NAA20: variants seen among roughly 807,000 people sequenced by gnomAD.
The protein encoded by NAA20 is N-alpha-acetyltransferase 20, NatB catalytic subunit.
Under a neutral mutation model 23.8 loss-of-function variants are expected in NAA20, and 24 were observed. The ratio of observed to expected loss-of-function variants is 1.01; its 90% CI spans 0.73 to 1.42. NAA20 has a LOEUF of 1.42. Among genes scored for constraint, NAA20 ranks in the 40% most tolerant of loss-of-function variants. The pLI, the probability that NAA20 is intolerant of heterozygous loss-of-function variation, is 0.00. For synonymous variants in NAA20, 83 were observed against 77.7 expected, an observed-to-expected ratio of 1.07 and a Z score of -0.36; for missense variants, 166 against 223.1, an observed-to-expected ratio of 0.74 and a Z score of 1.63.
chr20:20,032,256 T>A (rs555612656), intron 4 of NAA20, among the ~76,000 whole-genome samples: 1 of 151,900 alleles, frequency 6.6e-6, no homozygotes, highest in South Asian at 2.1e-4. Context: ...AGTTTATCTT[T>A]TAAGAAAACG....
Position 20,033,211 on chromosome 20 carries a change from G to C in NAA20, c.*24G>C. 1.3e-6 allele frequency: 2 copies of C among 1,510,988 alleles called. No individual in the cohort carries two copies. Among genetic ancestry groups the C allele is most frequent in the Non-Finnish European group, 1.8e-6 (2 of 1,087,940 alleles). The allele number at this position is 1,510,988 out of a possible 1,614,324, so 93.6% of individuals were successfully genotyped here. ...AACCCTGGGCAGTGGTTCTTAGGCA[G>C]ATACTCTAGATGCTTTATGGACAAT... On this transcript the variant is annotated 3_prime_UTR_variant, in exon 6 of 6. Coordinates refer to ENST00000334982, the MANE Select transcript of NAA20 (RefSeq NM_016100.5).
intron 2 of NAA20, among the ~76,000 whole-genome samples, chr20:20,024,547 T>TAGGA (rs980836174): frequency 2.0e-5 from 3 of 152,218 alleles, no homozygotes; most frequent in Non-Finnish European, 4.4e-5. Flanking sequence ...TTTCACTATA[T>TAGGA]AGGAAGGAAG....
At chr20:20,017,493 C>T in intron 1 of NAA20, 44 bp downstream of exon 1, 2 of 1,546,374 alleles carry the variant, frequency 1.3e-6, no homozygotes, top group Non-Finnish European at 8.7e-7. Flanking sequence ...GGCCGGGCCT[C>T]GCTTCCCGGC....
chr20:20,032,447 T>C, intron 4 of NAA20, 61 bp from the exon 5 acceptor site: 1 of 1,534,592 alleles, frequency 6.5e-7, no homozygotes, highest in Non-Finnish European at 8.8e-7. Context: ...AAAATATGTA[T>C]CTATTACTTT....
At chr20:20,029,473 C>T (rs2043327733) in intron 4 of NAA20, among the ~76,000 whole-genome samples, 1 of 151,722 alleles carries the variant, frequency 6.6e-6, no homozygotes, top group Non-Finnish European at 1.5e-5. Flanking sequence ...AAAAATTAGC[C>T]GGGTGTGGTA....
intron 4 of NAA20, among the ~76,000 whole-genome samples, chr20:20,030,003 C>T (rs1302410898): frequency 6.6e-6 from 1 of 152,120 alleles, no homozygotes; most frequent in Non-Finnish European, 1.5e-5. Context: ...AATCAGTAGC[C>T]CAAAATCTTT....
Position 20,017,390 on chromosome 20 carries a change from C to T in NAA20, c.-7C>T, listed in dbSNP as rs1385868692. 2 of 1,611,008 alleles carry T rather than the reference C, an allele frequency of 1.2e-6. No individual in the cohort carries two copies. Among genetic ancestry groups the T allele is most frequent in the Non-Finnish European group, 1.7e-6 (2 of 1,179,244 alleles). On this transcript the variant is annotated 5_prime_UTR_variant, in exon 1 of 6. Coordinates refer to ENST00000334982, the MANE Select transcript of NAA20 (RefSeq NM_016100.5). ...GGCGAACGGTCTTCGGAAGCGGCGGCGGCGCGATGACCACGCTACGGGCCT... is the reference window on the plus strand; with the variant it reads ...GGCGAACGGTCTTCGGAAGCGGCGGTGGCGCGATGACCACGCTACGGGCCT...
At chr20:20,030,465 T>C (rs1378313039) in intron 4 of NAA20, among the ~76,000 whole-genome samples, 1 of 152,156 alleles carries the variant, frequency 6.6e-6, no homozygotes, top group African/African-American at 2.4e-5. Flanking sequence ...TATTTAGTAG[T>C]GATACACTGA....
At chr20:20,026,724 C>G (rs2043308938) in intron 3 of NAA20, 60 bp from the exon 4 acceptor site, 4 of 1,591,256 alleles carry the variant, frequency 2.5e-6, no homozygotes, top group East Asian at 2.2e-5. Flanking sequence ...AACAGTAATT[C>G]TATATTTATG....
chr20:20,027,512 TA>T (rs1484476910), intron 4 of NAA20, among the ~76,000 whole-genome samples: 3 of 152,154 alleles, frequency 2.0e-5, no homozygotes, highest in African/African-American at 7.2e-5. Context: ...TTTCATCTAG[TA>T]TTTTTTTTTA....
chr20:20,026,781 C>G lies in NAA20; in HGVS notation c.170-3C>G. The G allele has an allele frequency of 6.2e-7, 1 of 1,612,636 alleles. No homozygotes were observed. The highest frequency in any genetic ancestry group is 8.5e-7 in the Non-Finnish European group (1 of 1,178,984). ...TGAATGTGATTTTTGTTGTTGTTGG[C>G]AGTTATGGGTAAAGCAGAAGGCTCA... On this transcript the variant is annotated splice_region_variant and splice_polypyrimidine_tract_variant and intron_variant, in intron 3 of 5. Transcript: ENST00000334982.
intron 1 of NAA20, chr20:20,018,877 G>T: frequency 2.0e-6 from 2 of 985,432 alleles, no homozygotes; most frequent in Non-Finnish European, 2.4e-6. Context: ...AGGTGAGAAT[G>T]AGTAAAGCGA....
At chr20:20,026,686 T>G in intron 3 of NAA20, 98 bp from the exon 4 acceptor site, 4 of 1,494,952 alleles carry the variant, frequency 2.7e-6, no homozygotes, top group Non-Finnish European at 3.6e-6. Context: ...ACTTCTTTAT[T>G]AGTTTCCTTT....
chr20:20,017,578 C>T, intron 1 of NAA20, 129 bp downstream of exon 1: 3 of 1,353,280 alleles, frequency 2.2e-6, no homozygotes, highest in East Asian at 2.8e-5. Flanking sequence ...AGAACCACCC[C>T]CCGCCGGCCA....
At chr20:20,017,720 G>T in intron 1 of NAA20, 1 of 1,430,666 alleles carries the variant, frequency 7.0e-7, no homozygotes, top group Non-Finnish European at 9.1e-7. Flanking sequence ...AGGTTCTGGG[G>T]CAGCGCTCGG....
chr20:20,026,174 G>A lies in NAA20; in HGVS notation c.169+407G>A, dbSNP rs151338901. On this transcript the variant is annotated intron_variant, in intron 3 of 5. Coordinates refer to ENST00000334982, the MANE Select transcript of NAA20 (RefSeq NM_016100.5). ...CAAAAAATTAGCTGGGCGTGGTATC[G>A]CGTGCCTATAATCCCAGCTACTCAG... is the stretch of plus-strand genomic sequence containing the variant. Among the ~76,000 whole-genome samples the A allele has an allele frequency of 7.1e-3, 1,083 of 152,026 alleles. 11 individuals are homozygous for A. Among genetic ancestry groups the A allele is most frequent in the African/African-American group, 0.025 (1,034 of 41,468 alleles).
intron 1 of NAA20, chr20:20,019,005 G>A: frequency 2.3e-6 from 2 of 873,514 alleles, no homozygotes; most frequent in Middle Eastern, 5.8e-4. Context: ...TCTGGAGTGG[G>A]TCTTAACCCA....
At chr20:20,017,319 G>A (rs2043237469), upstream of NAA20, 2 of 1,582,994 alleles carry the variant, frequency 1.3e-6, no homozygotes, top group East Asian at 2.3e-5. Context: ...CGGTTCCGCG[G>A]CGGCCACGCT....
Position 20,017,763 on chromosome 20 carries a change from G to C in NAA20, c.53+314G>C, listed in dbSNP as rs114436897. 3,970 of 1,436,510 alleles carry C rather than the reference G, an allele frequency of 2.8e-3. 92 individuals carry two copies. The African/African-American group carries it at 0.051, about 19-fold the overall frequency. The allele number at this position is 1,436,510 out of a possible 1,614,324, so 89.0% of individuals were successfully genotyped here. On this transcript the variant is annotated intron_variant, in intron 1 of 5. Transcript: ENST00000334982. Reference sequence around the variant, plus strand: ...CTCGTGGTCGCTGTCAGGAGGCGCTGGGGTGATGGGGCGAGCTGGAGACGC... The same window carrying C: ...CTCGTGGTCGCTGTCAGGAGGCGCTCGGGTGATGGGGCGAGCTGGAGACGC...
Sources: allele counts gnomAD v4.1 joint callset (sites outside exome capture counted in the v4.1 genomes callset), GRCh38; gene constraint gnomAD v4.1.1; transcripts MANE v1.5; gene names NCBI Gene and HGNC (gene_info 2026-07-23, HGNC 2026-07-21).